POSTN: variants seen among roughly 807,000 people sequenced by gnomAD.
POSTN encodes the protein osteoblast specific factor 2 (fasciclin I-like).
Under a neutral mutation model 104.5 loss-of-function variants are expected in POSTN, and 71 were observed. The observed-to-expected ratio is 0.68, with a 90% CI of 0.56 to 0.83. POSTN has a LOEUF of 0.83. Ranked by LOEUF, POSTN falls within the 40% of genes least tolerant of loss-of-function variation. POSTN has a pLI of 0.00. For missense variants in POSTN, 949 were observed against 1,006.8 expected (o/e 0.94, Z 0.78); for synonymous variants, 355 against 340.7 (o/e 1.04, Z -0.46).
chr13:37,591,514 G>A (rs1360648164), intron 3 of POSTN, among the ~76,000 whole-genome samples: 2 of 152,118 alleles, frequency 1.3e-5, no homozygotes, highest in African/African-American at 4.8e-5. Flanking sequence ...CTGTGGGTTG[G>A]TGTTATAATG....
At chr13:37,578,798 CAAAAAAAAAAA>C in intron 15 of POSTN, 35 bp downstream of exon 15, 1 of 1,126,772 alleles carries the variant, frequency 8.9e-7, no homozygotes, top group Non-Finnish European at 1.2e-6. Flanking sequence ...GACTCCATCT[CAAAAAAAAAAA>C]AAAAAAAAGA....
chr13:37,570,977 G>A lies in POSTN; in HGVS notation c.2180-308C>T, dbSNP rs1186368146. Reference sequence around the variant, plus strand: ...AGGGAGTTCTATATCATTGGAATGGGAGCCCTATCATAAATCCTAGTAGTG... The same window carrying A: ...AGGGAGTTCTATATCATTGGAATGGAAGCCCTATCATAAATCCTAGTAGTG... On this transcript the variant is annotated intron_variant, in intron 18 of 22. Coordinates refer to ENST00000379747, the MANE Select transcript of POSTN (RefSeq NM_006475.3). 4 of 304,102 alleles carry A rather than the reference G, an allele frequency of 1.3e-5. No individual in the cohort carries two copies. In the South Asian group the frequency reaches 1.8e-4, roughly 14 times the overall value. 18.8% of individuals were successfully genotyped at this position (304,102 alleles called of 1,614,324 possible). A position where few individuals can be genotyped will look rare whatever the true frequency, so the allele number is the denominator to read the frequency against.
chr13:37,584,390 G>A (rs1373256318), intron 8 of POSTN, among the ~76,000 whole-genome samples: 1 of 152,176 alleles, frequency 6.6e-6, no homozygotes, highest in Non-Finnish European at 1.5e-5. Context: ...TATACTGTGA[G>A]TTCCATAGCT....
At chr13:37,597,337 C>G in intron 1 of POSTN, 55 bp from the exon 2 acceptor site, 1 of 1,157,756 alleles carries the variant, frequency 8.6e-7, no homozygotes, top group South Asian at 1.4e-5. Context: ...ACTAGTTTTT[C>G]GTATCTAAAG....
intron 22 of POSTN, 101 bp downstream of exon 22, chr13:37,564,415 TAAC>T: frequency 2.9e-6 from 2 of 679,080 alleles, no homozygotes; most frequent in Non-Finnish European, 5.0e-6. Context: ...CTCTGATCGA[TAAC>T]AAGTTTCAAT....
chr13:37,583,229 G>GTGTATA (rs1213596037), intron 9 of POSTN, among the ~76,000 whole-genome samples: 1 of 152,078 alleles, frequency 6.6e-6, no homozygotes, highest in Non-Finnish European at 1.5e-5. Flanking sequence ...TGATATGGAA[G>GTGTATA]TGTATAAGTC....
chr13:37,589,103 G>T (rs1306484346), intron 4 of POSTN, among the ~76,000 whole-genome samples: 1 of 152,126 alleles, frequency 6.6e-6, no homozygotes, highest in South Asian at 2.1e-4. Flanking sequence ...TGGGGGGAAA[G>T]AAAATTGCAT....
chr13:37,569,849 A>G (rs1434090428), intron 19 of POSTN, 28 bp from the exon 20 acceptor site: 21 of 1,481,490 alleles, frequency 1.4e-5, no homozygotes, highest in Non-Finnish European at 1.8e-5. Context: ...AAAAAGGTCT[A>G]AAACAGAAGT....
chr13:37,567,140 G>A (rs1950131424), intron 21 of POSTN, among the ~76,000 whole-genome samples: 1 of 141,290 alleles, frequency 7.1e-6, no homozygotes, highest in Non-Finnish European at 1.5e-5. Context: ...GGAGGCTGAG[G>A]CAGGAGAATG....
chr13:37,582,709 A>G (rs970361020), intron 9 of POSTN, among the ~76,000 whole-genome samples, 195 bp from the exon 10 acceptor site: 1 of 152,224 alleles, frequency 6.6e-6, no homozygotes, highest in Non-Finnish European at 1.5e-5. Context: ...TCTGTGACCT[A>G]TTGTATTAAA....
rs758840298 is a variant in POSTN at position 37,598,618 on chromosome 13, G to A, written c.109C>T (p.Arg37Trp). ...AAACCACTCACTTACCCTTGGTCCCGACCCCTGATACGACTATGAGCCAAG... is the reference window on the plus strand; with the variant it reads ...AAACCACTCACTTACCCTTGGTCCCAACCCCTGATACGACTATGAGCCAAG... ...KILAHSRIRG[R>W]DQGPNVCALQ... The change falls in exon 1 of 23, where the codon CGG becomes TGG. Residue 37 changes from arginine (R) to tryptophan (W), a missense_variant. By Grantham distance (101) the Arg-to-Trp change is moderately radical. Transcript: ENST00000379747. The A allele has an allele frequency of 4.2e-5, 67 of 1,611,286 alleles. 1 individual carries two copies. Among genetic ancestry groups the A allele is most frequent in the Admixed American group, 3.8e-4 (23 of 59,964 alleles).
At position 37,590,495 on chromosome 13, in the gene POSTN, G is replaced by A; in HGVS notation, c.318C>T (p.Gly106=). 6.2e-7 allele frequency: 1 copy of A among 1,612,712 alleles called. No individual in the cohort carries two copies. Among genetic ancestry groups the A allele is most frequent in the Non-Finnish European group, 8.5e-7 (1 of 1,179,054 alleles). ...GCTGCGTTGTGGTGGCTCCCACGATGCCCAGAGTGCCATAAACATGGTCAA... is the reference window on the plus strand; with the variant it reads ...GCTGCGTTGTGGTGGCTCCCACGATACCCAGAGTGCCATAAACATGGTCAA... The part of the protein sequence containing the change: ...LPIDHVYGTL[G]IVGATTTQRY... Residue 106 remains glycine (G), a synonymous_variant, in exon 4 of 23, where the codon GGC becomes GGT. Transcript: ENST00000379747.
chr13:37,563,981 T>A (rs1950004016), intron 22 of POSTN, among the ~76,000 whole-genome samples: 1 of 151,542 alleles, frequency 6.6e-6, no homozygotes. Flanking sequence ...TGTAAATAGC[T>A]ATATTAATGG....
At chr13:37,571,520 T>A in intron 17 of POSTN, 62 bp from the exon 18 acceptor site, 1 of 1,237,102 alleles carries the variant, frequency 8.1e-7, no homozygotes. Context: ...TTTACCGGAA[T>A]AGGACATTTA....
chr13:37,590,735 T>G (rs1004402146), intron 3 of POSTN, among the ~76,000 whole-genome samples: 1 of 143,786 alleles, frequency 7.0e-6, no homozygotes, highest in African/African-American at 2.6e-5. Context: ...TTACATATCC[T>G]TTGTGTTGAG....
chr13:37,570,133 C>T (rs113512432), intron 19 of POSTN, among the ~76,000 whole-genome samples: 16 of 151,906 alleles, frequency 1.1e-4, no homozygotes, highest in Admixed American at 2.0e-4. Flanking sequence ...ACCAACTGGA[C>T]GCTAGTTTGG....
At chr13:37,581,899 C>T (rs1950600178) in intron 10 of POSTN, among the ~76,000 whole-genome samples, 1 of 152,118 alleles carries the variant, frequency 6.6e-6, no homozygotes, top group Non-Finnish European at 1.5e-5. Flanking sequence ...AAATGAAAAA[C>T]ATTTTAGTAG....
intron 18 of POSTN, 26 bp downstream of exon 18, chr13:37,571,343 G>T (rs371887388): frequency 6.9e-7 from 1 of 1,438,906 alleles, no homozygotes; most frequent in South Asian, 1.2e-5. Flanking sequence ...GAAGGTAGTC[G>T]GCCCCAGGTA....
rs1262408395 is a variant in POSTN, at chr13:37,573,712, G to A, written c.2089+860C>T. Among the ~76,000 whole-genome samples the A allele has an allele frequency of 6.6e-5, 10 of 151,554 alleles. No individual in the cohort carries two copies. In the East Asian group the frequency reaches 1.9e-3, roughly 29 times the overall value. ...TTTCTAGCTTTCTTATAGCACAAAG[G>A]AGATAACTAGTTCTTTTCTCTGGGT... is the stretch of plus-strand genomic sequence containing the variant. On this transcript the variant is annotated intron_variant, in intron 17 of 22. Coordinates refer to ENST00000379747, the MANE Select transcript of POSTN (RefSeq NM_006475.3).
Sources: gnomAD v4.1 joint callset for allele counts (sites outside exome capture counted in the v4.1 genomes callset) on GRCh38, gnomAD v4.1.1 for gene constraint, MANE v1.5 for transcripts, NCBI Gene and HGNC (gene_info 2026-07-23, HGNC 2026-07-21) for gene names.